GLDN: variants seen among roughly 807,000 people sequenced by gnomAD.
GLDN encodes gliomedin, also known as collomin.
Under a neutral mutation model 56.5 loss-of-function variants are expected in GLDN, and 47 were observed. The observed-to-expected ratio is 0.83, with a 90% CI of 0.66 to 1.06. The LOEUF (loss-of-function observed/expected upper bound fraction) is 1.06, where lower values mean the gene tolerates loss of function less well. Among genes scored for constraint, GLDN ranks in the 50% least tolerant of loss-of-function variants. GLDN has a pLI of 0.00. For missense variants in GLDN, 782 were observed against 714.3 expected, an observed-to-expected ratio of 1.09 and a Z score of -1.08; for synonymous variants, 332 against 278.8, an observed-to-expected ratio of 1.19 and a Z score of -1.90.
intron 1 of GLDN, among the ~76,000 whole-genome samples, chr15:51,359,643 A>G (rs937439284): frequency 4.6e-4 from 70 of 152,198 alleles, no homozygotes; most frequent in African/African-American, 1.6e-3. Context: ...AAGGAAGAAA[A>G]CCCTATGGCA....
At chr15:51,351,235 T>A (rs2037070634) in intron 1 of GLDN, 1 of 212,356 alleles carries the variant, frequency 4.7e-6, no homozygotes, top group Non-Finnish European at 9.9e-6. Flanking sequence ...GGACTGGAAC[T>A]CCTGGGCTCA....
chr15:51,367,627 C>CT (rs2037432941), intron 1 of GLDN, among the ~76,000 whole-genome samples: 1 of 152,212 alleles, frequency 6.6e-6, no homozygotes, highest in Non-Finnish European at 1.5e-5. Flanking sequence ...AGAATAAGCC[C>CT]TACCCCTTGA....
downstream of GLDN, among the ~76,000 whole-genome samples, chr15:51,410,529 C>A (rs542084052): frequency 1.3e-5 from 2 of 152,290 alleles, no homozygotes; most frequent in South Asian, 2.1e-4. Flanking sequence ...TGTCACCGTG[C>A]CTGTAGATTG....
intron 4 of GLDN, among the ~76,000 whole-genome samples, chr15:51,390,403 C>G (rs965073921): frequency 6.6e-6 from 1 of 152,118 alleles, no homozygotes; most frequent in African/African-American, 2.4e-5. Flanking sequence ...CTGAAAGAGA[C>G]CTAAATGTCA....
chr15:51,389,465 C>G (rs930518281), intron 4 of GLDN, among the ~76,000 whole-genome samples: 4 of 152,164 alleles, frequency 2.6e-5, no homozygotes, highest in Non-Finnish European at 5.9e-5. Context: ...GAAGACTGCT[C>G]TATACTTCAT....
intron 1 of GLDN, chr15:51,360,496 G>T (rs989705350): frequency 1.3e-5 from 2 of 152,314 alleles, no homozygotes; most frequent in African/African-American, 4.8e-5. Flanking sequence ...GGTGCCCGGG[G>T]CAGGCACCAA....
At chr15:51,391,760 C>G (rs1490857083) in intron 4 of GLDN, among the ~76,000 whole-genome samples, 1 of 152,168 alleles carries the variant, frequency 6.6e-6, no homozygotes, top group African/African-American at 2.4e-5. Flanking sequence ...ACCCCCATAT[C>G]ACTGAATCCA....
intron 4 of GLDN, among the ~76,000 whole-genome samples, chr15:51,387,579 A>G (rs1275603410): frequency 6.6e-6 from 1 of 152,146 alleles, no homozygotes; most frequent in East Asian, 1.9e-4. Flanking sequence ...GCAGGTCCTC[A>G]CGTGGGTACG....
At chr15:51,351,620 G>A (rs2037078305) in intron 1 of GLDN, among the ~76,000 whole-genome samples, 1 of 152,170 alleles carries the variant, frequency 6.6e-6, no homozygotes, top group South Asian at 2.1e-4. Flanking sequence ...CTCATGCCAG[G>A]ATCTCCCTAT....
intron 1 of GLDN, among the ~76,000 whole-genome samples, chr15:51,359,978 C>CAAAA (rs58874237): frequency 9.6e-4 from 89 of 92,708 alleles, no homozygotes; most frequent in African/African-American, 2.9e-3. Context: ...GACTCTGTCT[C>CAAAA]AAAAAAAAAA....
intron 1 of GLDN, among the ~76,000 whole-genome samples, chr15:51,360,081 C>G (rs1311275260): frequency 6.6e-6 from 1 of 151,832 alleles, no homozygotes; most frequent in Non-Finnish European, 1.5e-5. Context: ...CAGCTGCAGA[C>G]ATTAGAAAGA....
chr15:51,413,013 G>C, the GLDN span, among the ~76,000 whole-genome samples: 1 of 151,998 alleles, frequency 6.6e-6, no homozygotes, highest in Non-Finnish European at 1.5e-5. Context: ...TCATGCAATG[G>C]ATATGCATTT....
In GLDN at chr15:51,404,757, T is replaced by A; in HGVS notation, c.*3T>A. Reference sequence around the variant, plus strand: ...TGTCAACTACCTTAAATCAGTGATGTGCTGCATTCGGCTCCCTTCAGCAAA... The same window carrying A: ...TGTCAACTACCTTAAATCAGTGATGAGCTGCATTCGGCTCCCTTCAGCAAA... On this transcript the variant is annotated 3_prime_UTR_variant, in exon 10 of 10. Transcript: ENST00000335449. 1.4e-6 allele frequency: 2 copies of A among 1,471,796 alleles called. No homozygotes were observed. Among genetic ancestry groups the A allele is most frequent in the Non-Finnish European group, 1.9e-6 (2 of 1,057,242 alleles). The allele number at this position is 1,471,796 out of a possible 1,614,324, so 91.2% of individuals were successfully genotyped here.
At chr15:51,357,487 T>C (rs2141059120) in intron 1 of GLDN, among the ~76,000 whole-genome samples, 1 of 152,332 alleles carries the variant, frequency 6.6e-6, no homozygotes, top group South Asian at 2.1e-4. Flanking sequence ...CTGTCGGCCA[T>C]TTAAAAGTGA....
chr15:51,394,039 C>G (rs973652003), intron 4 of GLDN, among the ~76,000 whole-genome samples: 1 of 152,214 alleles, frequency 6.6e-6, no homozygotes, highest in Non-Finnish European at 1.5e-5. Context: ...TGCTCTCTGA[C>G]TTGGCAGCAT....
chr15:51,404,496 G>T lies in GLDN; in HGVS notation c.1398G>T (p.Thr466=). The change falls in exon 10 of 10, where the codon ACG becomes ACT. Residue 466 remains threonine, a synonymous_variant. Transcript: ENST00000335449. ...TFSVVQHVNT[T]YPKSKAGNAF... The stretch of plus-strand genomic sequence containing the variant: ...CAGTGGTGCAACACGTCAATACCAC[G>T]TACCCTAAATCCAAGGCTGGCAACG... The T allele has an allele frequency of 1.2e-6, 2 of 1,614,106 alleles. No individual in the cohort carries two copies. Among genetic ancestry groups the T allele is most frequent in the Non-Finnish European group, 1.7e-6 (2 of 1,180,016 alleles).
At chr15:51,367,446 G>A (rs1297700752) in intron 1 of GLDN, 1 of 152,256 alleles carries the variant, frequency 6.6e-6, no homozygotes, top group Non-Finnish European at 1.5e-5. Context: ...GCTGGCCAGG[G>A]CTTGTGGGTG....
At chr15:51,363,580 C>G (rs951333914) in intron 1 of GLDN, among the ~76,000 whole-genome samples, 1 of 152,186 alleles carries the variant, frequency 6.6e-6, no homozygotes, top group Non-Finnish European at 1.5e-5. Flanking sequence ...AGAAAGGAAC[C>G]CTCAAGGAAT....
chr15:51,381,238 G>A (rs947166780), intron 2 of GLDN, among the ~76,000 whole-genome samples: 1 of 152,176 alleles, frequency 6.6e-6, no homozygotes, highest in Non-Finnish European at 1.5e-5. Flanking sequence ...TCAGACTGTC[G>A]TGAGAACTTT....
Sources: allele counts gnomAD v4.1 joint callset (sites outside exome capture counted in the v4.1 genomes callset), GRCh38; gene constraint gnomAD v4.1.1; transcripts MANE v1.5; gene names NCBI Gene and HGNC (gene_info 2026-07-23, HGNC 2026-07-21).